The following ARID1B variants were observed in gnomAD, a reference collection of about 807,000 sequenced individuals.
ARID1B encodes the protein AT-rich interactive domain-containing protein 1B.
ARID1B carries 30 observed loss-of-function variants against 212.3 expected under a neutral mutation model. The observed-to-expected ratio is 0.14, with a 90% confidence interval of 0.11 to 0.19. ARID1B has a LOEUF of 0.19. Ranked by LOEUF, ARID1B falls within the 10% of genes least tolerant of loss-of-function variation. ARID1B has a pLI of 1.00. For missense variants in ARID1B, 2,891 were observed against 3,204.0 expected, an observed-to-expected ratio of 0.90 and a Z score of 2.36; for synonymous variants, 1,402 against 1,301.7, an observed-to-expected ratio of 1.08 and a Z score of -1.66.
chr6:157,074,631 T>G (rs1019988732), intron 4 of ARID1B, among the ~76,000 whole-genome samples: 1 of 152,166 alleles, frequency 6.6e-6, no homozygotes, highest in African/African-American at 2.4e-5. Context: ...GTGAGTCAAG[T>G]TCTTTTGGTC....
chr6:156,947,057 T>C (rs1186695230), intron 4 of ARID1B, among the ~76,000 whole-genome samples: 1 of 152,246 alleles, frequency 6.6e-6, no homozygotes, highest in Admixed American at 6.5e-5. Context: ...AGACTGTGTA[T>C]AAACAACTCC....
chr6:156,883,079 G>A (rs564119908), intron 2 of ARID1B, among the ~76,000 whole-genome samples: 2 of 152,230 alleles, frequency 1.3e-5, no homozygotes, highest in African/African-American at 4.8e-5. Flanking sequence ...CTCCCTGGGA[G>A]TTATAGTCAA....
At chr6:157,109,966 TG>T (rs1333292736) in intron 5 of ARID1B, among the ~76,000 whole-genome samples, 2 of 152,234 alleles carry the variant, frequency 1.3e-5, no homozygotes. Context: ...TATAGTAGTA[TG>T]TTTTTTGTTT....
intron 4 of ARID1B, among the ~76,000 whole-genome samples, chr6:157,037,598 T>C (rs923440738): frequency 3.3e-5 from 5 of 152,188 alleles, no homozygotes; most frequent in African/African-American, 1.2e-4. Context: ...TAAGTTTCTG[T>C]CTGTGTGGCA....
At chr6:156,992,654 T>C (rs1479500517) in intron 4 of ARID1B, among the ~76,000 whole-genome samples, 4 of 152,204 alleles carry the variant, frequency 2.6e-5, no homozygotes, top group Non-Finnish European at 4.4e-5. Flanking sequence ...TGGGCACTGA[T>C]AAAACTTGCA....
chr6:156,914,718 T>C (rs78456657), intron 3 of ARID1B, among the ~76,000 whole-genome samples: 316 of 152,296 alleles, frequency 2.1e-3, no homozygotes, highest in Middle Eastern at 3.4e-3. Flanking sequence ...AATCACTAAT[T>C]TGAATGCCCA....
intron 1 of ARID1B, among the ~76,000 whole-genome samples, chr6:156,811,416 G>A (rs1301927145): frequency 6.6e-6 from 1 of 152,198 alleles, no homozygotes; most frequent in Non-Finnish European, 1.5e-5. Context: ...CATAAAAATA[G>A]CAGTGGTTTC....
At chr6:157,189,192 G>C (rs577692431) in intron 13 of ARID1B, among the ~76,000 whole-genome samples, 1 of 152,044 alleles carries the variant, frequency 6.6e-6, no homozygotes, top group East Asian at 1.9e-4. Flanking sequence ...TTCTAATTTC[G>C]TTTCTAAAAC....
intron 7 of ARID1B, among the ~76,000 whole-genome samples, chr6:157,144,111 G>C (rs1324527902): frequency 6.6e-6 from 1 of 152,192 alleles, no homozygotes; most frequent in African/African-American, 2.4e-5. Context: ...TATATAACAT[G>C]AGTGAGAGAT....
chr6:157,039,006 C>T (rs921747903), intron 4 of ARID1B, among the ~76,000 whole-genome samples: 2 of 151,838 alleles, frequency 1.3e-5, no homozygotes, highest in Non-Finnish European at 2.9e-5. Context: ...CAGGCTCAAG[C>T]GATGCTCCCG....
At chr6:157,097,761 C>G (rs1258718773) in intron 5 of ARID1B, among the ~76,000 whole-genome samples, 14 of 152,244 alleles carry the variant, frequency 9.2e-5, no homozygotes, top group Admixed American at 8.5e-4. Flanking sequence ...GCTAATCTTT[C>G]TCCTGGGGGC....
At chr6:156,883,605 A>G (rs1787271662) in intron 2 of ARID1B, among the ~76,000 whole-genome samples, 1 of 151,720 alleles carries the variant, frequency 6.6e-6, no homozygotes, top group South Asian at 2.1e-4. Flanking sequence ...CAGCCCCAGC[A>G]CTCGGCCCAC....
chr6:156,888,666 G>A lies in ARID1B; in HGVS notation c.1987-12710G>A, dbSNP rs577482862. On this transcript the variant is annotated intron_variant, in intron 2 of 19. Coordinates refer to ENST00000636930, the MANE Select transcript of ARID1B (RefSeq NM_001374828.1). ...GCTTTTCCTGGGACAGCATTTTTGGGATGGAAACAACCAAATCCCCGTGAG... is the reference window on the plus strand; with the variant it reads ...GCTTTTCCTGGGACAGCATTTTTGGAATGGAAACAACCAAATCCCCGTGAG... Among the ~76,000 whole-genome samples, 5 of 152,244 alleles carry A rather than the reference G, an allele frequency of 3.3e-5. No homozygotes were observed. The East Asian group carries it at 7.7e-4, about 24-fold the overall frequency.
intron 2 of ARID1B, among the ~76,000 whole-genome samples, chr6:156,873,625 A>G (rs1654832107): frequency 6.6e-6 from 1 of 152,236 alleles, no homozygotes; most frequent in Admixed American, 6.5e-5. Flanking sequence ...GCTGTGATAC[A>G]CAGTGTGAAT....
chr6:157,154,468 T>G (rs1325257359), intron 8 of ARID1B, among the ~76,000 whole-genome samples: 1 of 152,170 alleles, frequency 6.6e-6, no homozygotes, highest in East Asian at 1.9e-4. Flanking sequence ...TTCTTGATTT[T>G]ATGGTGGAGT....
At chr6:156,798,556 G>A (rs897939900) in intron 1 of ARID1B, among the ~76,000 whole-genome samples, 4 of 152,282 alleles carry the variant, frequency 2.6e-5, no homozygotes, top group African/African-American at 9.6e-5. Flanking sequence ...CTTGTTGAGG[G>A]TGGAGAATAT....
In ARID1B at chr6:156,972,873, T is replaced by C. The variant is rs529073856; in HGVS notation, c.2247+37297T>C. On this transcript the variant is annotated intron_variant, in intron 4 of 19. Coordinates refer to ENST00000636930, the MANE Select transcript of ARID1B (RefSeq NM_001374828.1). ...TCCAGTAAAAAGACATTTTAAACTT[T>C]CAGTTTCTTTGTATTTTGATTTTAT... 4.6e-5 allele frequency among the ~76,000 whole-genome samples: 7 copies of C among 152,390 alleles called. No homozygotes were observed. In the South Asian group the frequency reaches 1.4e-3, roughly 32 times the overall value.
At chr6:156,919,525 G>A (rs1790615996) in intron 3 of ARID1B, among the ~76,000 whole-genome samples, 1 of 152,248 alleles carries the variant, frequency 6.6e-6, no homozygotes, top group South Asian at 2.1e-4. Context: ...GGCCTGGAGT[G>A]TGTGGCCAGC....
intron 4 of ARID1B, among the ~76,000 whole-genome samples, chr6:157,039,882 T>TTCCTTC (rs1554287391): frequency 7.7e-4 from 52 of 67,288 alleles, no homozygotes; most frequent in African/African-American, 2.6e-3. Context: ...CTTTCTTTTC[T>TTCCTTC]CTTCCTTCCT....
Sources: gnomAD v4.1 joint callset for allele counts (sites outside exome capture counted in the v4.1 genomes callset) on GRCh38, gnomAD v4.1.1 for gene constraint, MANE v1.5 for transcripts, NCBI Gene and HGNC (gene_info 2026-07-23, HGNC 2026-07-21) for gene names.